Variants in GPHN observed in about 807,000 individuals in gnomAD.
The protein encoded by GPHN is gephyrin.
GPHN carries 17 observed loss-of-function variants against 95.5 expected under a neutral mutation model. The observed-to-expected ratio is 0.18, with a 90% CI of 0.12 to 0.27. GPHN has a LOEUF of 0.27. Ranked by LOEUF, GPHN falls within the 10% of genes least tolerant of loss-of-function variation. The pLI, the probability that GPHN is intolerant of heterozygous loss-of-function variation, is 1.00. For synonymous variants in GPHN, 320 were observed against 322.5 expected (o/e 0.99, Z 0.08); for missense variants, 660 against 978.1 (o/e 0.67, Z 4.34).
chr14:67,699,589 CAAAAAAAAA>C, the GPHN span, among the ~76,000 whole-genome samples: 4 of 50,804 alleles, frequency 7.9e-5, no homozygotes, highest in Non-Finnish European at 1.1e-4. Flanking sequence ...GACCCTATCT[CAAAAAAAAA>C]AAAAAAAAAA....
intron 8 of GPHN, among the ~76,000 whole-genome samples, chr14:66,948,456 T>C (rs2067890368): frequency 6.6e-6 from 1 of 152,222 alleles, no homozygotes; most frequent in Non-Finnish European, 1.5e-5. Context: ...TAAATTTAGG[T>C]ATTCACATTT....
chr14:67,030,205 A>G (rs2074130353), intron 10 of GPHN, among the ~76,000 whole-genome samples: 1 of 151,860 alleles, frequency 6.6e-6, no homozygotes, highest in Admixed American at 6.6e-5. Context: ...ATATTACACA[A>G]GTATCTCATA....
At chr14:66,725,128 T>C (rs1192873635) in intron 2 of GPHN, among the ~76,000 whole-genome samples, 1 of 152,174 alleles carries the variant, frequency 6.6e-6, no homozygotes, top group Non-Finnish European at 1.5e-5. Flanking sequence ...ATGACAACAC[T>C]GCAAGAAGAT....
chr14:66,887,502 G>A (rs750244561), intron 5 of GPHN, among the ~76,000 whole-genome samples: 1 of 152,156 alleles, frequency 6.6e-6, no homozygotes, highest in Non-Finnish European at 1.5e-5. Context: ...TTGAACCTAG[G>A]AGGTGGAGGT....
At chr14:67,275,704 T>C in the GPHN span, among the ~76,000 whole-genome samples, 1 of 152,190 alleles carries the variant, frequency 6.6e-6, no homozygotes, top group African/African-American at 2.4e-5. Context: ...TGGTACCAGC[T>C]CCTCTTTGTA....
At chr14:67,458,232 T>G in the GPHN span, among the ~76,000 whole-genome samples, 1 of 152,134 alleles carries the variant, frequency 6.6e-6, no homozygotes. Flanking sequence ...GAGACTGCCC[T>G]ATGGAAGATG....
chr14:66,538,793 T>C (rs561493603), intron 1 of GPHN, among the ~76,000 whole-genome samples: 37 of 151,414 alleles, frequency 2.4e-4, no homozygotes, highest in African/African-American at 9.0e-4. Context: ...TTTTTTTTTT[T>C]CACATATATT....
chr14:67,334,544 A>ATAAT, the GPHN span: 1 of 152,622 alleles, frequency 6.6e-6, no homozygotes, highest in Admixed American at 6.5e-5. Context: ...TTTCTTCTAC[A>ATAAT]TAATTTTATT....
the GPHN span, among the ~76,000 whole-genome samples, chr14:67,195,713 TTGTGTG>T: frequency 0.19 from 27,594 of 143,220 alleles, 4,394 homozygotes; most frequent in African/African-American, 0.41. Flanking sequence ...TTCTTTTTGG[TTGTGTG>T]TGTGTGTGTG....
the GPHN span, among the ~76,000 whole-genome samples, chr14:67,234,046 A>T: frequency 2.0e-5 from 3 of 152,236 alleles, no homozygotes; most frequent in Non-Finnish European, 4.4e-5. Context: ...CAGTTAATAC[A>T]TACTATGTCC....
At chr14:67,089,308 G>A (rs1225365854) in intron 12 of GPHN, among the ~76,000 whole-genome samples, 1 of 151,472 alleles carries the variant, frequency 6.6e-6, no homozygotes, top group Non-Finnish European at 1.5e-5. Flanking sequence ...GTAAAGAAAA[G>A]TTACATGAAA....
the GPHN span, among the ~76,000 whole-genome samples, chr14:67,733,187 C>T: frequency 3.3e-5 from 5 of 152,172 alleles, no homozygotes; most frequent in African/African-American, 1.2e-4. Context: ...CACCCCCTAT[C>T]CCTCTAGTCC....
intron 11 of GPHN, among the ~76,000 whole-genome samples, chr14:67,070,715 A>ATATATATAT (rs1555482657): frequency 1.2e-5 from 1 of 80,704 alleles, no homozygotes; most frequent in African/African-American, 1.3e-4. Context: ...AAAAAAAAAA[A>ATATATATAT]ATATATATAT....
chr14:67,035,122 T>C (rs2074358931), intron 10 of GPHN, among the ~76,000 whole-genome samples: 1 of 151,544 alleles, frequency 6.6e-6, no homozygotes. Context: ...TACACAAATA[T>C]GTGAAAATTA....
the GPHN span, chr14:67,651,737 G>T: frequency 3.2e-6 from 1 of 313,018 alleles, no homozygotes. Context: ...TCAAATAGTA[G>T]TTACTTCCTT....
At chr14:66,606,509 A>G (rs1453802966) in intron 1 of GPHN, among the ~76,000 whole-genome samples, 1 of 152,214 alleles carries the variant, frequency 6.6e-6, no homozygotes, top group Non-Finnish European at 1.5e-5. Context: ...TAATTTTGCA[A>G]AAAATGATGT....
intron 2 of GPHN, among the ~76,000 whole-genome samples, chr14:66,751,051 C>T (rs1462780850): frequency 6.6e-6 from 1 of 151,708 alleles, no homozygotes; most frequent in Non-Finnish European, 1.5e-5. Context: ...AGCAGAAAAA[C>T]AATAAATGAT....
At chr14:66,616,370 G>C (rs2153302892) in intron 1 of GPHN, among the ~76,000 whole-genome samples, 1 of 150,280 alleles carries the variant, frequency 6.7e-6, no homozygotes, top group Middle Eastern at 3.4e-3. Flanking sequence ...TGATCTTTGA[G>C]GCTGCTGACC....
At chr14:66,934,151 A>AC (rs1245117427) in intron 8 of GPHN, among the ~76,000 whole-genome samples, 1 of 151,780 alleles carries the variant, frequency 6.6e-6, no homozygotes. Flanking sequence ...AAAAAAAAAA[A>AC]AAAAAAGAGT....
Sources: allele counts gnomAD v4.1 joint callset (sites outside exome capture counted in the v4.1 genomes callset), GRCh38; gene constraint gnomAD v4.1.1; transcripts MANE v1.5; gene names NCBI Gene and HGNC (gene_info 2026-07-23, HGNC 2026-07-21).